Variants in FAF1 observed in about 807,000 individuals in gnomAD.
FAF1 encodes FAS-associated factor 1.
FAF1 carries 25 observed loss-of-function variants against 92.5 expected under a neutral mutation model. The observed-to-expected ratio is 0.27, with a 90% CI of 0.20 to 0.38. The LOEUF (loss-of-function observed/expected upper bound fraction) is 0.38, where lower values mean the gene tolerates loss of function less well. Ranked by LOEUF, FAF1 falls within the 10% of genes least tolerant of loss-of-function variation. FAF1 has a pLI of 1.00. For synonymous variants in FAF1, 234 were observed against 273.2 expected, an observed-to-expected ratio of 0.86 and a Z score of 1.42; for missense variants, 636 against 793.3, an observed-to-expected ratio of 0.80 and a Z score of 2.38.
At chr1:50,461,231 A>G (rs1354798790) in intron 18 of FAF1, among the ~76,000 whole-genome samples, 3 of 152,194 alleles carry the variant, frequency 2.0e-5, no homozygotes, top group Admixed American at 6.5e-5. Context: ...GTGTATTATT[A>G]CAGTCTGCAC....
chr1:50,848,000 G>A (rs1644316630), intron 2 of FAF1, among the ~76,000 whole-genome samples: 1 of 151,838 alleles, frequency 6.6e-6, no homozygotes, highest in Non-Finnish European at 1.5e-5. Context: ...TCCAGTGAAA[G>A]CATCTTTCAA....
chr1:50,761,325 C>T (rs1462489582), intron 4 of FAF1, among the ~76,000 whole-genome samples: 2 of 152,190 alleles, frequency 1.3e-5, no homozygotes, highest in Non-Finnish European at 2.9e-5. Context: ...GGAATCCTCC[C>T]TAACTCATTT....
At chr1:50,895,452 A>T (rs1482723216) in intron 1 of FAF1, among the ~76,000 whole-genome samples, 1 of 152,200 alleles carries the variant, frequency 6.6e-6, no homozygotes, top group Non-Finnish European at 1.5e-5. Flanking sequence ...ACAGTTAAAG[A>T]AGAACTAATA....
intron 4 of FAF1, among the ~76,000 whole-genome samples, chr1:50,760,723 C>G (rs1317705187): frequency 2.4e-4 from 37 of 151,984 alleles, no homozygotes; most frequent in Non-Finnish European, 1.5e-5. Flanking sequence ...TAAATGCCCA[C>G]AAGAGAAAGC....
intron 1 of FAF1, among the ~76,000 whole-genome samples, chr1:50,913,139 C>T (rs1196510693): frequency 6.6e-6 from 1 of 152,174 alleles, no homozygotes; most frequent in Non-Finnish European, 1.5e-5. Context: ...TGTCTCTCTT[C>T]CCCACTGTAC....
intron 4 of FAF1, among the ~76,000 whole-genome samples, chr1:50,776,523 AT>A (rs200940170): frequency 1.3e-5 from 2 of 152,012 alleles, no homozygotes; most frequent in African/African-American, 2.4e-5. Flanking sequence ...TAAGCAGAGG[AT>A]TTTTTTTAGT....
At chr1:50,629,367 T>C (rs191280179) in intron 8 of FAF1, among the ~76,000 whole-genome samples, 236 of 152,152 alleles carry the variant, frequency 1.6e-3, no homozygotes, top group Admixed American at 0.01. Flanking sequence ...CAGGGTTTCA[T>C]CATATTGGTC....
Position 50,471,010 on chromosome 1 carries a change from G to A in FAF1, c.1869+4454C>T, listed in dbSNP as rs544835736. ...TTTGGATGTGTGTTTTTACTATAACGTGAACTCTTCAAGGTCAGTAACAAT... is the reference window on the plus strand; with the variant it reads ...TTTGGATGTGTGTTTTTACTATAACATGAACTCTTCAAGGTCAGTAACAAT... On this transcript the variant is annotated intron_variant, in intron 18 of 18. Transcript: ENST00000396153. The A allele has an allele frequency of 3.9e-5, 6 of 152,294 alleles. No individual in the cohort carries two copies. The East Asian group carries it at 9.6e-4, about 24-fold the overall frequency. The allele number at this position is 152,294 out of a possible 1,614,324, so 9.4% of individuals were successfully genotyped here.
chr1:50,572,603 G>A (rs1650496358), intron 12 of FAF1, among the ~76,000 whole-genome samples: 1 of 152,176 alleles, frequency 6.6e-6, no homozygotes, highest in South Asian at 2.1e-4. Context: ...ACACAAGCAG[G>A]AGAGTAGGAA....
chr1:50,901,046 T>C (rs1644792535), intron 1 of FAF1, among the ~76,000 whole-genome samples: 3 of 152,202 alleles, frequency 2.0e-5, no homozygotes, highest in Admixed American at 6.5e-5. Flanking sequence ...AAAAAGTAGA[T>C]AGAAAAATAT....
Position 50,439,466 on chromosome 1 carries a change from C to T in FAF1, c.*1974G>A, listed in dbSNP as rs1386324158. On this transcript the variant is annotated 3_prime_UTR_variant, in exon 19 of 19. Transcript: ENST00000396153. ...CATTCAAGTAGCATTTAATAACTTC[C>T]ATGAAATTGGCTTTAGAGTAAAGTC... 1 of 152,126 alleles carries T rather than the reference C, an allele frequency of 6.6e-6. No individual in the cohort carries two copies. The highest frequency in any genetic ancestry group is 1.5e-5 in the Non-Finnish European group (1 of 68,032). 9.4% of individuals were successfully genotyped at this position (152,126 alleles called of 1,614,324 possible).
At position 50,567,081 on chromosome 1, in the gene FAF1, C is replaced by T; in HGVS notation, c.1264G>A (p.Ala422Thr). Residue 422 changes from alanine (A) to threonine (T), a missense_variant, in exon 13 of 19, where the codon GCA (alanine) becomes ACA (threonine). Physicochemically the swap from Ala to Thr is moderately conservative, Grantham distance 58. Coordinates refer to ENST00000396153, the MANE Select transcript of FAF1 (RefSeq NM_007051.3). ...AWDLTKDSNR[A>T]RFLTMCNRHF... ...ACTTGTGAACAACAGTATTACCTTG[C>T]TCTGTTGGAGTCCTTTGTCAGATCC... 6.3e-7 allele frequency: 1 copy of T among 1,599,490 alleles called. No homozygotes were observed. Among genetic ancestry groups the T allele is most frequent in the African/African-American group, 1.3e-5 (1 of 74,390 alleles).
intron 6 of FAF1, among the ~76,000 whole-genome samples, chr1:50,725,134 A>G (rs956200618): frequency 6.6e-6 from 1 of 152,182 alleles, no homozygotes; most frequent in Admixed American, 6.5e-5. Flanking sequence ...TTGTTTTCCA[A>G]TTTGGCTACT....
At chr1:50,744,530 G>C (rs1659512309) in intron 5 of FAF1, among the ~76,000 whole-genome samples, 154 bp downstream of exon 5, 1 of 152,148 alleles carries the variant, frequency 6.6e-6, no homozygotes, top group Non-Finnish European at 1.5e-5. Flanking sequence ...TTTTAGCTTA[G>C]AAAACACTAC....
At chr1:50,500,629 T>A (rs72898957) in intron 15 of FAF1, among the ~76,000 whole-genome samples, 2 of 152,076 alleles carry the variant, frequency 1.3e-5, no homozygotes, top group Non-Finnish European at 2.9e-5. Context: ...AAAAGCATGA[T>A]ACATAAAAGA....
intron 1 of FAF1, among the ~76,000 whole-genome samples, chr1:50,910,951 T>G (rs1644880870): frequency 6.6e-6 from 1 of 152,148 alleles, no homozygotes; most frequent in African/African-American, 2.4e-5. Flanking sequence ...ACCCGTCTTC[T>G]GCATTGCTCA....
intron 1 of FAF1, among the ~76,000 whole-genome samples, chr1:50,870,376 G>A (rs770526517): frequency 6.6e-6 from 1 of 152,186 alleles, no homozygotes; most frequent in Non-Finnish European, 1.5e-5. Flanking sequence ...AAAATCACTT[G>A]AACGCGCGAG....
intron 9 of FAF1, among the ~76,000 whole-genome samples, chr1:50,591,420 C>T (rs1651500204): frequency 6.6e-6 from 1 of 152,140 alleles, no homozygotes; most frequent in Admixed American, 6.5e-5. Flanking sequence ...TGCCTGCAAT[C>T]CCAGCACTTT....
At chr1:50,742,079 C>T (rs950776066) in intron 5 of FAF1, among the ~76,000 whole-genome samples, 3 of 151,656 alleles carry the variant, frequency 2.0e-5, no homozygotes, top group African/African-American at 7.3e-5. Flanking sequence ...GAGGCCAAGG[C>T]AGGAGGACTG....
Sources: allele counts gnomAD v4.1 joint callset (sites outside exome capture counted in the v4.1 genomes callset), GRCh38; gene constraint gnomAD v4.1.1; transcripts MANE v1.5; gene names NCBI Gene and HGNC (gene_info 2026-07-23, HGNC 2026-07-21).